The following GPR19 variants were observed in gnomAD, a reference collection of about 807,000 sequenced individuals.
GPR19 encodes the protein probable G protein-coupled receptor 19.
GPR19 carries 14 observed loss-of-function variants against 28.5 expected under a neutral mutation model. The ratio of observed to expected loss-of-function variants is 0.49; its 90% CI spans 0.32 to 0.77. The LOEUF is 0.77. GPR19 is among the 30% of genes least tolerant of loss of function. The probability of loss-of-function intolerance (pLI) is 0.03; values close to 1 mark genes in which losing one functional copy is unlikely to be tolerated. For missense variants in GPR19, 409 were observed against 504.1 expected (o/e 0.81, Z 1.81); for synonymous variants, 173 against 184.1 (o/e 0.94, Z 0.49).
the GPR19 span, among the ~76,000 whole-genome samples, chr12:12,709,476 T>G: frequency 2.6e-5 from 4 of 152,246 alleles, 1 homozygote; most frequent in East Asian, 7.7e-4. Flanking sequence ...GGTCTCACTC[T>G]GTTGCCCAAG....
intron 2 of GPR19, among the ~76,000 whole-genome samples, chr12:12,693,783 A>G (rs866177616): frequency 6.6e-6 from 1 of 152,158 alleles, no homozygotes; most frequent in African/African-American, 2.4e-5. Context: ...GCTGACCGCA[A>G]CCTCTGCCTC....
At chr12:12,665,760 C>A (rs1945763833) in intron 3 of GPR19, among the ~76,000 whole-genome samples, 1 of 128,934 alleles carries the variant, frequency 7.8e-6, no homozygotes, top group Admixed American at 1.1e-4. Flanking sequence ...CGGCGTGAAC[C>A]CGGGAGGCGG....
intron 3 of GPR19, among the ~76,000 whole-genome samples, chr12:12,682,178 G>A (rs1247876055): frequency 1.3e-5 from 2 of 152,172 alleles, no homozygotes; most frequent in Non-Finnish European, 2.9e-5. Context: ...CTTCCATTTA[G>A]ATATGAATGA....
At chr12:12,663,366 C>T (rs1476730840) in intron 3 of GPR19, among the ~76,000 whole-genome samples, 1 of 150,332 alleles carries the variant, frequency 6.7e-6, no homozygotes, top group Admixed American at 6.7e-5. Flanking sequence ...AAGGCTGAAG[C>T]AGGAGGATCA....
chr12:12,697,028 GTTAC>G (rs1946274040), upstream of GPR19, among the ~76,000 whole-genome samples: 1 of 151,994 alleles, frequency 6.6e-6, no homozygotes, highest in Non-Finnish European at 1.5e-5. Context: ...GTGGCATTTA[GTTAC>G]TTATTTAGAA....
chr12:12,697,169 A>AAAAAAAAAAAAAAAAAAC (rs1187197264), upstream of GPR19, among the ~76,000 whole-genome samples: 2 of 149,408 alleles, frequency 1.3e-5, no homozygotes, highest in African/African-American at 2.4e-5. Flanking sequence ...AAAAAAAAAA[A>AAAAAAAAAAAAAAAAAAC]AAAAAAAAGC....
At chr12:12,696,991 A>G (rs1302557943), upstream of GPR19, among the ~76,000 whole-genome samples, 2 of 152,126 alleles carry the variant, frequency 1.3e-5, no homozygotes, top group African/African-American at 4.8e-5. Context: ...AAAAGTGGCA[A>G]GCAGCCACAG....
intron 2 of GPR19, among the ~76,000 whole-genome samples, chr12:12,686,495 T>C (rs1946099693): frequency 6.6e-6 from 1 of 152,222 alleles, no homozygotes; most frequent in Non-Finnish European, 1.5e-5. Flanking sequence ...ATTACAACAA[T>C]AAGAACAACT....
chr12:12,707,581 G>A, the GPR19 span, among the ~76,000 whole-genome samples: 1 of 152,204 alleles, frequency 6.6e-6, no homozygotes, highest in Non-Finnish European at 1.5e-5. Context: ...GTTTTACATG[G>A]AAGTTTGTAT....
chr12:12,714,688 T>C, the GPR19 span, among the ~76,000 whole-genome samples: 2 of 152,156 alleles, frequency 1.3e-5, no homozygotes, highest in East Asian at 3.8e-4. Context: ...CTGAAAATTT[T>C]CCCCCTGGCT....
In GPR19 at chr12:12,678,718, T is replaced by C. The variant is rs577738854; in HGVS notation, c.-23+5633A>G. ...ATGTACATTTTATTTCACTTTATTT[T>C]ACTTTATTGGGTTGGTGCAAAACAA... On this transcript the variant is annotated intron_variant, in intron 3 of 3. Transcript: ENST00000651487. 2.0e-5 allele frequency among the ~76,000 whole-genome samples: 3 copies of C among 152,348 alleles called. No homozygotes were observed. The East Asian group carries it at 5.8e-4, about 29-fold the overall frequency.
the GPR19 span, among the ~76,000 whole-genome samples, chr12:12,709,642 G>C: frequency 5.9e-5 from 9 of 152,084 alleles, no homozygotes; most frequent in Admixed American, 3.9e-4. Context: ...ATCTTACTTT[G>C]TTGCCCAGGC....
chr12:12,677,574 G>A (rs1945951051), intron 3 of GPR19, among the ~76,000 whole-genome samples: 3 of 151,946 alleles, frequency 2.0e-5, no homozygotes, highest in Admixed American at 6.6e-5. Flanking sequence ...ACTGCGCCTG[G>A]CCACAGATGT....
the GPR19 span, among the ~76,000 whole-genome samples, chr12:12,705,167 G>T: frequency 6.8e-6 from 1 of 147,774 alleles, no homozygotes. Flanking sequence ...AGGCTGGAGT[G>T]CAGTGGTGCG....
chr12:12,717,243 A>C, the GPR19 span: 1 of 1,053,010 alleles, frequency 9.5e-7, no homozygotes, highest in Non-Finnish European at 1.1e-6. Flanking sequence ...GAACGAGGGG[A>C]GGTGGCGGAA....
At chr12:12,705,115 C>CTTTTTTT in the GPR19 span, among the ~76,000 whole-genome samples, 3 of 136,620 alleles carry the variant, frequency 2.2e-5, no homozygotes, top group Non-Finnish European at 3.1e-5. Flanking sequence ...AGAAATGCAT[C>CTTTTTTT]TTTTTTTTTT....
At chr12:12,689,055 C>G (rs1329805430) in intron 2 of GPR19, 1 of 152,198 alleles carries the variant, frequency 6.6e-6, no homozygotes, top group Non-Finnish European at 1.5e-5. Flanking sequence ...CTGGGTAGGC[C>G]TCAGGGAGCT....
At chr12:12,675,460 C>T (rs1945918044) in intron 3 of GPR19, among the ~76,000 whole-genome samples, 1 of 152,070 alleles carries the variant, frequency 6.6e-6, no homozygotes, top group Admixed American at 6.6e-5. Context: ...TCCCTGGAAC[C>T]TGTGAATGTG....
chr12:12,714,825 C>T, the GPR19 span, among the ~76,000 whole-genome samples: 12 of 152,176 alleles, frequency 7.9e-5, no homozygotes, highest in Non-Finnish European at 1.2e-4. Flanking sequence ...CCTGCGTTCT[C>T]ATTATTTGCT....
Sources: allele counts gnomAD v4.1 joint callset (sites outside exome capture counted in the v4.1 genomes callset), GRCh38; gene constraint gnomAD v4.1.1; transcripts MANE v1.5; gene names NCBI Gene and HGNC (gene_info 2026-07-23, HGNC 2026-07-21).